NCAM1: variants seen among roughly 807,000 people sequenced by gnomAD.
NCAM1 encodes the protein antigen recognized by monoclonal antibody 5.1H11.
NCAM1 carries 14 observed loss-of-function variants against 109.8 expected under a neutral mutation model. The ratio of observed to expected loss-of-function variants is 0.13; its 90% CI spans 0.08 to 0.20. The LOEUF (loss-of-function observed/expected upper bound fraction) is 0.20, where lower values mean the gene tolerates loss of function less well. Ranked by LOEUF, NCAM1 falls within the 10% of genes least tolerant of loss-of-function variation. The pLI is 1.00. For synonymous variants in NCAM1, 418 were observed against 442.9 expected, an observed-to-expected ratio of 0.94 and a Z score of 0.70; for missense variants, 774 against 1,109.9, an observed-to-expected ratio of 0.70 and a Z score of 4.30.
At chr11:113,070,949 T>A (rs1938234738) in intron 1 of NCAM1, among the ~76,000 whole-genome samples, 1 of 152,172 alleles carries the variant, frequency 6.6e-6, no homozygotes, top group Admixed American at 6.5e-5. Context: ...CTGCATCATT[T>A]ATTTTTCTTC....
At chr11:112,970,530 C>A (rs782186066) in intron 1 of NCAM1, among the ~76,000 whole-genome samples, 22 of 152,212 alleles carry the variant, frequency 1.4e-4, no homozygotes, top group Non-Finnish European at 2.4e-4. Context: ...GGCTTAGATT[C>A]GAAAGATCTG....
At chr11:113,215,911 G>A (rs1944513796) in intron 8 of NCAM1, among the ~76,000 whole-genome samples, 1 of 152,186 alleles carries the variant, frequency 6.6e-6, no homozygotes, top group African/African-American at 2.4e-5. Flanking sequence ...CTGCTGCTTG[G>A]CAGATCTTTC....
intron 1 of NCAM1, among the ~76,000 whole-genome samples, chr11:113,162,211 C>T (rs1942624538): frequency 6.6e-6 from 1 of 152,096 alleles, no homozygotes; most frequent in African/African-American, 2.4e-5. Flanking sequence ...TGTAATTTAG[C>T]CTTTGCAAAC....
intron 1 of NCAM1, among the ~76,000 whole-genome samples, chr11:113,088,346 T>C (rs1314036719): frequency 6.6e-6 from 1 of 152,186 alleles, no homozygotes; most frequent in Non-Finnish European, 1.5e-5. Flanking sequence ...AGCTAATCAA[T>C]AGAATTTTAC....
At chr11:113,089,407 A>G (rs1405462234) in intron 1 of NCAM1, among the ~76,000 whole-genome samples, 1 of 151,942 alleles carries the variant, frequency 6.6e-6, no homozygotes, top group Non-Finnish European at 1.5e-5. Flanking sequence ...CATAAAAGCT[A>G]TTAATTAAGT....
intron 1 of NCAM1, among the ~76,000 whole-genome samples, chr11:113,136,338 G>A (rs559276137): frequency 2.6e-4 from 39 of 152,288 alleles, no homozygotes; most frequent in African/African-American, 8.9e-4. Flanking sequence ...TGAGTTATGG[G>A]AGGGGAAAAG....
chr11:113,188,243 A>G lies in NCAM1; in HGVS notation c.53-14136A>G, dbSNP rs575398696. Among the ~76,000 whole-genome samples, 52 of 152,272 alleles carry G rather than the reference A, an allele frequency of 3.4e-4. No homozygotes were observed. In the South Asian group the frequency reaches 0.01, roughly 30 times the overall value. On this transcript the variant is annotated intron_variant, in intron 1 of 19. Coordinates refer to ENST00000316851, the MANE Select transcript of NCAM1 (RefSeq NM_181351.5). ...CCAGCCCTTGTGAAACCAGCAGCCC[A>G]TTTTATCACCATCGTCTGTGGATGA...
At chr11:113,077,096 G>C (rs1198663581) in intron 1 of NCAM1, among the ~76,000 whole-genome samples, 1 of 152,178 alleles carries the variant, frequency 6.6e-6, no homozygotes, top group Non-Finnish European at 1.5e-5. Flanking sequence ...AGGTACTAGG[G>C]ATGCTAGGAT....
At chr11:112,965,460 A>G (rs1950707854) in intron 1 of NCAM1, among the ~76,000 whole-genome samples, 2 of 152,218 alleles carry the variant, frequency 1.3e-5, no homozygotes, top group South Asian at 4.1e-4. Flanking sequence ...AGTAACCTAT[A>G]TCTGTATTTT....
chr11:113,143,181 G>C (rs563869434), intron 1 of NCAM1, among the ~76,000 whole-genome samples: 6 of 150,838 alleles, frequency 4.0e-5, no homozygotes, highest in African/African-American at 9.9e-5. Context: ...AATGTATTAT[G>C]TATTTTTTTC....
In NCAM1 at chr11:113,233,071, G is replaced by A. The variant is rs1267760975; in HGVS notation, c.1523-76G>A. On this transcript the variant is annotated intron_variant, in intron 12 of 19. Transcript: ENST00000316851. The surrounding 1 kb of genome is among the most constrained non-coding windows in gnomAD (Gnocchi z 4.5). ...AAGAGTGAGCAGAAATGACAGAGAT[G>A]TGCCTTGTGACTGAGAGTTAATGGT... The A allele has an allele frequency of 3.3e-5, 47 of 1,405,756 alleles. No homozygotes were observed. Among genetic ancestry groups the A allele is most frequent in the Non-Finnish European group, 4.3e-5 (44 of 1,019,018 alleles). The allele number at this position is 1,405,756 out of a possible 1,614,324, so 87.1% of individuals were successfully genotyped here. A position where few individuals can be genotyped will look rare whatever the true frequency, so the allele number is the denominator to read the frequency against.
chr11:113,238,171 T>C (rs1945229937), intron 14 of NCAM1, among the ~76,000 whole-genome samples: 1 of 152,096 alleles, frequency 6.6e-6, no homozygotes, highest in South Asian at 2.1e-4. Flanking sequence ...GATGGTGTCA[T>C]CTCTGCATTC....
chr11:113,144,909 G>C (rs1252776218), intron 1 of NCAM1, among the ~76,000 whole-genome samples: 1 of 152,168 alleles, frequency 6.6e-6, no homozygotes, highest in Non-Finnish European at 1.5e-5. Context: ...ATTTCATTCA[G>C]GGTGGAGAGT....
intron 1 of NCAM1, among the ~76,000 whole-genome samples, chr11:113,146,251 T>G (rs1942012405): frequency 6.6e-6 from 1 of 152,216 alleles, no homozygotes; most frequent in Non-Finnish European, 1.5e-5. Flanking sequence ...TAGGTTGGAG[T>G]ACAAGTTACT....
At chr11:113,092,902 C>T (rs1939418114) in intron 1 of NCAM1, among the ~76,000 whole-genome samples, 1 of 152,176 alleles carries the variant, frequency 6.6e-6, no homozygotes. Context: ...CCAAAGTAGG[C>T]ACCCACAAAA....
In NCAM1 at chr11:113,199,830, A is replaced by G. The variant is rs113610952; in HGVS notation, c.53-2549A>G. ...CAAATAAAGTAAAAGAAACACCCTT[A>G]AAAAAAAAAAAAAAAAAAACTTCTG... On this transcript the variant is annotated intron_variant, in intron 1 of 19. Transcript: ENST00000316851. 3.2e-3 allele frequency among the ~76,000 whole-genome samples: 108 copies of G among 33,494 alleles called. 1 individual carries two copies. Among genetic ancestry groups the G allele is most frequent in the East Asian group, 0.011 (4 of 358 alleles). 22.0% of individuals were successfully genotyped at this position (33,494 alleles called of 152,430 possible). A position where few individuals can be genotyped will look rare whatever the true frequency, so the allele number is the denominator to read the frequency against.
In NCAM1 at chr11:113,240,758, T is replaced by A. The variant is rs539417305; in HGVS notation, c.1825+5594T>A. 8.4e-5 allele frequency: 136 copies of A among 1,610,730 alleles called. No individual in the cohort carries two copies. In the South Asian group the frequency reaches 1.4e-3, roughly 17 times the overall value. On this transcript the variant is annotated intron_variant, in intron 14 of 19. Transcript: ENST00000316851. ...TATCTGTGTGCCTCAATGATCTTTT[T>A]TCCCCACCTTCATTTTTCTTTCTTC...
At chr11:113,199,448 G>T (rs1247484972) in intron 1 of NCAM1, among the ~76,000 whole-genome samples, 1 of 152,106 alleles carries the variant, frequency 6.6e-6, no homozygotes, top group East Asian at 1.9e-4. Flanking sequence ...TGCTGCAGTG[G>T]AAAACATCCA....
intron 15 of NCAM1, 81 bp from the exon 16 acceptor site, chr11:113,255,796 C>T (rs1945817271): frequency 6.7e-7 from 1 of 1,502,356 alleles, no homozygotes; most frequent in Non-Finnish European, 9.1e-7. Flanking sequence ...CCAGCCCCAC[C>T]CTGTCACTCC....
Sources: gnomAD v4.1 joint callset for allele counts (sites outside exome capture counted in the v4.1 genomes callset) on GRCh38, gnomAD v4.1.1 for gene constraint, Gnocchi (gnomAD v3.1) non-coding constraint, MANE v1.5 for transcripts, NCBI Gene and HGNC (gene_info 2026-07-23, HGNC 2026-07-21) for gene names.